The following PLPPR1 variants were observed in gnomAD, a reference collection of about 807,000 sequenced individuals.
PLPPR1 encodes the protein phospholipid phosphatase-related protein type 1.
In PLPPR1, 10 loss-of-function variants were observed where a neutral mutation model predicts 33.1. The ratio of observed to expected loss-of-function variants is 0.30; its 90% CI spans 0.19 to 0.51. PLPPR1 has a LOEUF of 0.51. PLPPR1 is among the 20% of genes least tolerant of loss of function. The pLI is 0.97. For synonymous variants in PLPPR1, 151 were observed against 151.0 expected, an observed-to-expected ratio of 1.00 and a Z score of 0.00; for missense variants, 304 against 408.1, an observed-to-expected ratio of 0.74 and a Z score of 2.20.
rs1217111276 is a variant in PLPPR1, at chr9:101,296,168, C to T, written c.385+9932C>T. 4.6e-5 allele frequency among the ~76,000 whole-genome samples: 7 copies of T among 152,172 alleles called. No individual in the cohort carries two copies. The South Asian group carries it at 1.2e-3, about 27-fold the overall frequency. Reference sequence around the variant, plus strand: ...TGAACAGACACTTCTCAAAAGAAGACATTTATGCAGCCAAAAAACACATGA... The same window carrying T: ...TGAACAGACACTTCTCAAAAGAAGATATTTATGCAGCCAAAAAACACATGA... On this transcript the variant is annotated intron_variant, in intron 4 of 7. Transcript: ENST00000374874.
At chr9:101,076,592 T>G (rs557788256) in intron 1 of PLPPR1, among the ~76,000 whole-genome samples, 7 of 152,230 alleles carry the variant, frequency 4.6e-5, no homozygotes, top group South Asian at 2.1e-4. Flanking sequence ...TCAAATACAC[T>G]TGTGGAAATG....
intron 1 of PLPPR1, among the ~76,000 whole-genome samples, chr9:101,109,171 G>A (rs1188336970): frequency 3.0e-5 from 4 of 133,928 alleles, no homozygotes; most frequent in African/African-American, 1.1e-4. Context: ...TAGAGTTGGG[G>A]TTTCACCGTA....
intron 1 of PLPPR1, among the ~76,000 whole-genome samples, chr9:101,061,725 T>C (rs1489471157): frequency 6.6e-6 from 1 of 152,004 alleles, no homozygotes; most frequent in African/African-American, 2.4e-5. Flanking sequence ...ATGTTGTATT[T>C]ATGCAGGGTC....
chr9:101,180,703 T>C (rs1276415030), intron 1 of PLPPR1, among the ~76,000 whole-genome samples: 1 of 151,716 alleles, frequency 6.6e-6, no homozygotes, highest in Non-Finnish European at 1.5e-5. Flanking sequence ...AGAACAAAAT[T>C]GGACTCTTAT....
chr9:101,126,080 A>G (rs1408864514), intron 1 of PLPPR1, among the ~76,000 whole-genome samples: 1 of 152,182 alleles, frequency 6.6e-6, no homozygotes, highest in Non-Finnish European at 1.5e-5. Flanking sequence ...TAAGCATCCA[A>G]CAGCAGGTCT....
At chr9:101,315,364 A>G (rs1829033098) in intron 6 of PLPPR1, among the ~76,000 whole-genome samples, 2 of 152,200 alleles carry the variant, frequency 1.3e-5, no homozygotes, top group South Asian at 4.1e-4. Context: ...GGCTCAAGAA[A>G]AGACAAACAA....
intron 2 of PLPPR1, among the ~76,000 whole-genome samples, chr9:101,211,276 C>T (rs1024788200): frequency 2.0e-5 from 3 of 152,076 alleles, no homozygotes; most frequent in Non-Finnish European, 4.4e-5. Flanking sequence ...CAGATGAACA[C>T]AAAACATTTC....
intron 2 of PLPPR1, among the ~76,000 whole-genome samples, chr9:101,225,545 A>G (rs946122274): frequency 2.6e-5 from 4 of 152,172 alleles, no homozygotes; most frequent in Admixed American, 2.0e-4. Flanking sequence ...ACCCAATTGC[A>G]AAAACTTCCT....
At chr9:101,115,975 A>T (rs1216244318) in intron 1 of PLPPR1, among the ~76,000 whole-genome samples, 1 of 145,576 alleles carries the variant, frequency 6.9e-6, no homozygotes, top group African/African-American at 2.6e-5. Context: ...TCTACTCAAG[A>T]CCTTCCAGTT....
At chr9:101,243,011 T>C (rs1448067217) in intron 2 of PLPPR1, among the ~76,000 whole-genome samples, 3 of 152,106 alleles carry the variant, frequency 2.0e-5, no homozygotes, top group Non-Finnish European at 2.9e-5. Context: ...ACACTTATTA[T>C]GCCTCAAAGA....
chr9:101,280,713 T>G (rs879822416), intron 3 of PLPPR1, among the ~76,000 whole-genome samples: 2 of 152,120 alleles, frequency 1.3e-5, no homozygotes, highest in Admixed American at 6.5e-5. Context: ...TTTGATAAAA[T>G]TCAGCATCCT....
At chr9:101,125,385 TTTATCTCTGCTTACTTAC>T (rs1278028035) in intron 1 of PLPPR1, 3 of 181,226 alleles carry the variant, frequency 1.7e-5, no homozygotes, top group African/African-American at 7.2e-5. Context: ...CTTGTCTCAA[TTTATCTCTGCTTACTTAC>T]TTATCTCTAC....
chr9:101,160,896 G>A, intron 1 of PLPPR1, among the ~76,000 whole-genome samples: 1 of 152,108 alleles, frequency 6.6e-6, no homozygotes, highest in South Asian at 2.1e-4. Context: ...AGTGTGACAA[G>A]TTGTCTATAG....
chr9:101,108,370 A>G (rs1192214946), intron 1 of PLPPR1, among the ~76,000 whole-genome samples: 5 of 152,236 alleles, frequency 3.3e-5, no homozygotes, highest in Admixed American at 3.3e-4. Context: ...GACTGATAGC[A>G]TAGAATCTGG....
Position 101,070,639 on chromosome 9 carries a change from G to A in PLPPR1, c.-46+41537G>A, listed in dbSNP as rs548310708. 5.9e-5 allele frequency among the ~76,000 whole-genome samples: 9 copies of A among 151,956 alleles called. No individual in the cohort carries two copies. In the East Asian group the frequency reaches 1.2e-3, roughly 20 times the overall value. ...CTCGAAGTGATACCTTCTCAATAAC[G>A]GCCTACCCTGGTTTCCTCGTTTAAA... On this transcript the variant is annotated intron_variant, in intron 1 of 7. Coordinates refer to ENST00000374874, the MANE Select transcript of PLPPR1 (RefSeq NM_207299.2).
intron 2 of PLPPR1, among the ~76,000 whole-genome samples, chr9:101,194,832 T>C (rs1826367816): frequency 6.6e-6 from 1 of 152,120 alleles, no homozygotes; most frequent in African/African-American, 2.4e-5. Context: ...CAGGTTGTGA[T>C]TGTAGGCTAT....
At chr9:101,278,991 CT>C (rs1165503935) in intron 3 of PLPPR1, among the ~76,000 whole-genome samples, 1 of 152,196 alleles carries the variant, frequency 6.6e-6, no homozygotes, top group African/African-American at 2.4e-5. Flanking sequence ...TAAGTACCTA[CT>C]TCTACAAATG....
At chr9:101,144,721 G>T (rs1186330075) in intron 1 of PLPPR1, among the ~76,000 whole-genome samples, 1 of 152,196 alleles carries the variant, frequency 6.6e-6, no homozygotes, top group East Asian at 1.9e-4. Context: ...TGGGATCTGA[G>T]AATCTGCATT....
intron 1 of PLPPR1, among the ~76,000 whole-genome samples, chr9:101,062,090 C>T (rs1453924318): frequency 1.3e-5 from 2 of 151,790 alleles, no homozygotes; most frequent in Non-Finnish European, 2.9e-5. Context: ...TTCTAGCTGT[C>T]AATCAAACTC....
Sources: allele counts gnomAD v4.1 joint callset (sites outside exome capture counted in the v4.1 genomes callset), GRCh38; gene constraint gnomAD v4.1.1; transcripts MANE v1.5; gene names NCBI Gene and HGNC (gene_info 2026-07-23, HGNC 2026-07-21).